Variants in GASK1A observed in about 807,000 individuals in gnomAD.
The protein encoded by GASK1A is golgi associated kinase 1A.
In GASK1A, 40 loss-of-function variants were observed where a neutral mutation model predicts 41.2. The ratio of observed to expected loss-of-function variants is 0.97; its 90% CI spans 0.75 to 1.27. GASK1A has a LOEUF of 1.27. GASK1A is among the 50% of genes most tolerant of loss of function. GASK1A has a pLI of 0.00. For synonymous variants in GASK1A, 316 were observed against 307.1 expected (o/e 1.03, Z -0.30); for missense variants, 678 against 745.1 (o/e 0.91, Z 1.05).
chr3:43,017,246 C>A (rs533111958), intron 1 of GASK1A, among the ~76,000 whole-genome samples: 29 of 146,546 alleles, frequency 2.0e-4, no homozygotes, highest in Admixed American at 6.8e-4. Flanking sequence ...CATGAATTGG[C>A]AGTGTGAGGT....
rs1018788414 is a variant in GASK1A, at chr3:43,003,387, C to G, written c.3+23742C>G. On this transcript the variant is annotated intron_variant, in intron 1 of 4. Transcript: ENST00000430121. ...GCAGGCTCCTGTCATCCCAGCTACT[C>G]GGGAGGGTGAAGTGGGAGAATTGCT... 2.7e-5 allele frequency among the ~76,000 whole-genome samples: 4 copies of G among 150,462 alleles called. No homozygotes were observed. The East Asian group carries it at 7.8e-4, about 29-fold the overall frequency.
chr3:43,001,234 G>C (rs1189540943), intron 1 of GASK1A, among the ~76,000 whole-genome samples: 1 of 152,146 alleles, frequency 6.6e-6, no homozygotes, highest in African/African-American at 2.4e-5. Flanking sequence ...GTCATATGCT[G>C]TAAGAAGTTC....
chr3:43,012,813 G>A (rs1205899529), intron 1 of GASK1A, among the ~76,000 whole-genome samples: 1 of 151,786 alleles, frequency 6.6e-6, no homozygotes, highest in African/African-American at 2.4e-5. Context: ...GCCACAGGAA[G>A]GAGCTGTGTG....
intron 1 of GASK1A, among the ~76,000 whole-genome samples, chr3:43,020,861 T>C (rs985794030): frequency 6.6e-6 from 1 of 152,198 alleles, no homozygotes; most frequent in Non-Finnish European, 1.5e-5. Context: ...GTGTATGTTA[T>C]ATCCACTCAT....
intron 2 of GASK1A, among the ~76,000 whole-genome samples, chr3:43,041,813 A>C (rs1397264896): frequency 1.3e-5 from 2 of 152,252 alleles, no homozygotes; most frequent in Admixed American, 6.5e-5. Flanking sequence ...GATAGACATG[A>C]CATGTTTCTA....
At chr3:43,011,251 G>A (rs1224084200) in intron 1 of GASK1A, among the ~76,000 whole-genome samples, 19 of 151,944 alleles carry the variant, frequency 1.3e-4, no homozygotes. Flanking sequence ...GTGTGGTGGC[G>A]TGCGCCTGTA....
intron 2 of GASK1A, among the ~76,000 whole-genome samples, chr3:43,038,058 T>C (rs1400993996): frequency 2.0e-5 from 3 of 152,216 alleles, no homozygotes; most frequent in African/African-American, 7.2e-5. Flanking sequence ...TAAATATACA[T>C]CATACGTACT....
Position 43,057,559 on chromosome 3 carries a change from T to C in GASK1A, c.*1173T>C, listed in dbSNP as rs1327570162. 6.6e-6 allele frequency: 1 copy of C among 152,226 alleles called. No individual in the cohort carries two copies. The highest frequency in any genetic ancestry group is 2.4e-5 in the African/African-American group (1 of 41,462). The allele number at this position is 152,226 out of a possible 1,614,324, so 9.4% of individuals were successfully genotyped here. A position where few individuals can be genotyped will look rare whatever the true frequency, so the allele number is the denominator to read the frequency against. On this transcript the variant is annotated 3_prime_UTR_variant, in exon 5 of 5. Coordinates refer to ENST00000430121, the MANE Select transcript of GASK1A (RefSeq NM_001129908.3). The stretch of plus-strand genomic sequence containing the variant: ...ATCATGAATGAAGTCATCTTTCCAC[T>C]TATTTGCCAGACATTTGTATTTTCT...
rs2089270968 is a variant in GASK1A, at chr3:42,979,663, G to A, written c.3+18G>A. The stretch of plus-strand genomic sequence containing the variant: ...GGGACATGGTAGGACTCGCGGGAAG[G>A]AACGCGCGAGCGGAGGGTGGGGCGA... On this transcript the variant is annotated intron_variant, in intron 1 of 4. Coordinates refer to ENST00000430121, the MANE Select transcript of GASK1A (RefSeq NM_001129908.3). The A allele has an allele frequency of 8.0e-7, 1 of 1,245,952 alleles. No individual in the cohort carries two copies. The highest frequency in any genetic ancestry group is 1.5e-5 in the African/African-American group (1 of 64,582). The allele number at this position is 1,245,952 out of a possible 1,614,324, so 77.2% of individuals were successfully genotyped here. A position where few individuals can be genotyped will look rare whatever the true frequency, so the allele number is the denominator to read the frequency against.
At chr3:42,995,608 G>A (rs1213474905) in intron 1 of GASK1A, among the ~76,000 whole-genome samples, 3 of 152,170 alleles carry the variant, frequency 2.0e-5, no homozygotes, top group African/African-American at 7.2e-5. Context: ...TGGAGACTGG[G>A]GTGGATGTCC....
At chr3:43,037,189 A>T in intron 2 of GASK1A, 1 of 1,138,174 alleles carries the variant, frequency 8.8e-7, no homozygotes, top group Non-Finnish European at 1.3e-6. Context: ...AAAGAACCTA[A>T]GTCAAAATCT....
At chr3:43,001,532 T>TTTGCCTTCA (rs1435338370) in intron 1 of GASK1A, among the ~76,000 whole-genome samples, 3 of 152,220 alleles carry the variant, frequency 2.0e-5, no homozygotes, top group African/African-American at 7.2e-5. Flanking sequence ...GCTTGCCTAT[T>TTTGCCTTCA]TGTTTGTGAA....
chr3:43,022,750 T>G (rs1039119841), intron 1 of GASK1A, among the ~76,000 whole-genome samples: 1 of 152,342 alleles, frequency 6.6e-6, no homozygotes, highest in South Asian at 2.1e-4. Flanking sequence ...ACTTCCTCTC[T>G]TGGCATCTCC....
intron 1 of GASK1A, among the ~76,000 whole-genome samples, chr3:43,025,769 G>A (rs968491257): frequency 6.6e-6 from 1 of 152,128 alleles, no homozygotes; most frequent in Non-Finnish European, 1.5e-5. Context: ...CACTGCATTC[G>A]GTAAGGGCAC....
intron 1 of GASK1A, among the ~76,000 whole-genome samples, chr3:43,012,084 G>A (rs9863179): frequency 0.35 from 53,844 of 151,846 alleles, 10,108 homozygotes; most frequent in Non-Finnish European, 0.43. Context: ...CAGGGGCTGT[G>A]TGAAGCCACA....
chr3:42,998,907 C>T (rs930721624), intron 1 of GASK1A, among the ~76,000 whole-genome samples: 6 of 152,008 alleles, frequency 3.9e-5, no homozygotes, highest in South Asian at 2.1e-4. Flanking sequence ...GGATTCACAG[C>T]GTGAGAAAAG....
intron 1 of GASK1A, among the ~76,000 whole-genome samples, chr3:42,993,521 A>G (rs2089353145): frequency 6.6e-6 from 1 of 152,178 alleles, no homozygotes; most frequent in African/African-American, 2.4e-5. Context: ...TATCTTGGTA[A>G]CCCTGTATTT....
chr3:43,037,296 C>G, intron 2 of GASK1A: 1 of 876,776 alleles, frequency 1.1e-6, no homozygotes. Flanking sequence ...GAACGGGACC[C>G]CAGGTGATGA....
At chr3:43,002,461 T>C (rs766193299) in intron 1 of GASK1A, among the ~76,000 whole-genome samples, 6 of 152,340 alleles carry the variant, frequency 3.9e-5, no homozygotes, top group South Asian at 2.1e-4. Flanking sequence ...GATCTACTGC[T>C]GTTTATCCTT....
Sources: allele counts gnomAD v4.1 joint callset (sites outside exome capture counted in the v4.1 genomes callset), GRCh38; gene constraint gnomAD v4.1.1; transcripts MANE v1.5; gene names NCBI Gene and HGNC (gene_info 2026-07-23, HGNC 2026-07-21).